Variants in ARMC3 observed in about 807,000 individuals in gnomAD.
ARMC3 encodes armadillo repeat-containing protein 3.
ARMC3 carries 74 observed loss-of-function variants against 90.3 expected under a neutral mutation model. That is an observed-to-expected ratio of 0.82 (90% CI 0.68 to 0.99). The LOEUF (loss-of-function observed/expected upper bound fraction) is 0.99. ARMC3 is among the 50% of genes least tolerant of loss of function. ARMC3 has a pLI of 0.00. For synonymous variants in ARMC3, 334 were observed against 361.8 expected, an observed-to-expected ratio of 0.92 and a Z score of 0.87; for missense variants, 958 against 1,042.8, an observed-to-expected ratio of 0.92 and a Z score of 1.12.
intron 10 of ARMC3, among the ~76,000 whole-genome samples, chr10:22,996,966 GA>G (rs1197970343): frequency 2.6e-5 from 4 of 151,314 alleles, no homozygotes; most frequent in Admixed American, 2.6e-4. Context: ...AGTCCTAAAT[GA>G]AAAAATGTGT....
At chr10:22,946,111 T>C (rs112647805) in intron 2 of ARMC3, 33 bp from the exon 3 acceptor site, 7 of 1,422,056 alleles carry the variant, frequency 4.9e-6, no homozygotes, top group Admixed American at 3.8e-5. Flanking sequence ...AAAGCTCATA[T>C]GTGAAACTGA....
intron 18 of ARMC3, among the ~76,000 whole-genome samples, chr10:23,033,588 G>A (rs1366090315): frequency 6.6e-6 from 1 of 152,058 alleles, no homozygotes. Flanking sequence ...AAAGAGGAGG[G>A]GCGAATGCTA....
In ARMC3 at chr10:22,964,354, G is replaced by A. The variant is rs146525607; in HGVS notation, c.732+2276G>A. Among the ~76,000 whole-genome samples the A allele has an allele frequency of 5.4e-3, 822 of 151,702 alleles. 7 individuals carry two copies. Among genetic ancestry groups the A allele is most frequent in the African/African-American group, 0.019 (789 of 41,352 alleles). On this transcript the variant is annotated intron_variant, in intron 7 of 18. Coordinates refer to ENST00000298032, the MANE Select transcript of ARMC3 (RefSeq NM_173081.5). ...AGTTTTCAATTATCATATGATTATT[G>A]ATTTGGTTATAGTTAAGCTTCCCAT...
chr10:22,943,238 G>T (rs530090648), intron 2 of ARMC3, among the ~76,000 whole-genome samples: 22 of 152,178 alleles, frequency 1.4e-4, no homozygotes, highest in African/African-American at 5.3e-4. Context: ...ATTTACCCTA[G>T]TGATGTTTAT....
intron 1 of ARMC3, among the ~76,000 whole-genome samples, chr10:22,928,316 C>T (rs1266278795): frequency 6.6e-6 from 1 of 152,138 alleles, no homozygotes; most frequent in Non-Finnish European, 1.5e-5. Context: ...CAACAGGTGA[C>T]AAAACTGAGG....
intron 8 of ARMC3, among the ~76,000 whole-genome samples, chr10:22,972,346 T>G (rs1206458137): frequency 6.6e-6 from 1 of 152,214 alleles, no homozygotes; most frequent in Non-Finnish European, 1.5e-5. Context: ...CATTTTGAGT[T>G]TATTTTTATA....
At chr10:23,000,421 C>G (rs1438756343) in intron 11 of ARMC3, among the ~76,000 whole-genome samples, 1 of 152,086 alleles carries the variant, frequency 6.6e-6, no homozygotes, top group African/African-American at 2.4e-5. Context: ...CATTGCACCC[C>G]TTGTCTTCCT....
chr10:23,011,032 C>T (rs1302467062), intron 16 of ARMC3, among the ~76,000 whole-genome samples: 1 of 144,700 alleles, frequency 6.9e-6, no homozygotes, highest in African/African-American at 2.5e-5. Flanking sequence ...TCCCTTCCCT[C>T]CTCTCTCCTT....
chr10:22,962,096 T>C lies in ARMC3; in HGVS notation c.732+18T>C. ...AAACTAAGGTATTTAGTTTCATTCA[T>C]TCCACCCTCTATGAGGAAATGTATC... is the stretch of plus-strand genomic sequence containing the variant. On this transcript the variant is annotated intron_variant, in intron 7 of 18. Coordinates refer to ENST00000298032, the MANE Select transcript of ARMC3 (RefSeq NM_173081.5). 6.7e-7 allele frequency: 1 copy of C among 1,490,048 alleles called. No individual in the cohort carries two copies. The highest frequency in any genetic ancestry group is 1.4e-5 in the South Asian group (1 of 73,934). The allele number at this position is 1,490,048 out of a possible 1,614,324, so 92.3% of individuals were successfully genotyped here.
intron 13 of ARMC3, among the ~76,000 whole-genome samples, chr10:23,003,618 T>G (rs1388122869): frequency 6.6e-6 from 1 of 152,222 alleles, no homozygotes; most frequent in African/African-American, 2.4e-5. Flanking sequence ...TGCTTACTTG[T>G]AATTAAATCA....
intron 8 of ARMC3, among the ~76,000 whole-genome samples, chr10:22,972,608 T>C (rs565583610): frequency 6.6e-6 from 1 of 152,208 alleles, no homozygotes; most frequent in Admixed American, 6.5e-5. Context: ...ACTTCATATA[T>C]GTCATCTGTG....
At chr10:22,948,362 A>T (rs1422646280) in intron 3 of ARMC3, among the ~76,000 whole-genome samples, 1 of 152,110 alleles carries the variant, frequency 6.6e-6, no homozygotes, top group Admixed American at 6.6e-5. Context: ...CTCTTTTTGC[A>T]TGACATGAAG....
rs112774376 is a variant in ARMC3 at position 23,014,569 on chromosome 10, G to A, written c.2045+5638G>A. The A allele has an allele frequency of 3.6e-3, 3,121 of 870,352 alleles. 79 individuals are homozygous for A. In the African/African-American group the frequency reaches 0.053, roughly 15 times the overall value. 53.9% of individuals were successfully genotyped at this position (870,352 alleles called of 1,614,324 possible). A position where few individuals can be genotyped will look rare whatever the true frequency, so the allele number is the denominator to read the frequency against. ...TCAACCTAAATGCCCATCAATGATC[G>A]ACTGGATAAAGAAAATGTGGTACAT... On this transcript the variant is annotated intron_variant, in intron 16 of 18. Coordinates refer to ENST00000298032, the MANE Select transcript of ARMC3 (RefSeq NM_173081.5).
rs1007251587 is a variant in ARMC3 at position 23,030,645 on chromosome 10, G to T, written c.2095G>T (p.Val699Phe). ...GGAAAAAGTGAAAGAGGAGGAAGAG[G>T]TTATGGTGGTACCAAAATTTGTTGG... is the stretch of plus-strand genomic sequence containing the variant. ...EEEKVKEEEE[V>F]MVVPKFVGEG... The change falls in exon 17 of 19, where the codon GTT becomes TTT. Residue 699 changes from valine (V) to phenylalanine (F), a missense_variant. Coordinates refer to ENST00000298032, the MANE Select transcript of ARMC3 (RefSeq NM_173081.5). 1 of 1,613,738 alleles carries T rather than the reference G, an allele frequency of 6.2e-7. No individual in the cohort carries two copies. The highest frequency in any genetic ancestry group is 1.1e-5 in the South Asian group (1 of 91,072).
intron 7 of ARMC3, among the ~76,000 whole-genome samples, chr10:22,964,474 C>G (rs1283432986): frequency 6.8e-6 from 1 of 146,354 alleles, no homozygotes; most frequent in South Asian, 2.1e-4. Context: ...GAGCCTTGCT[C>G]TGTCACCCAG....
At chr10:22,973,147 A>T (rs1384094288) in intron 8 of ARMC3, among the ~76,000 whole-genome samples, 1 of 151,934 alleles carries the variant, frequency 6.6e-6, no homozygotes, top group East Asian at 1.9e-4. Flanking sequence ...AATTTTTTTT[A>T]AATGAGCCAT....
intron 7 of ARMC3, among the ~76,000 whole-genome samples, chr10:22,963,976 T>TA (rs1321029105): frequency 8.1e-6 from 1 of 124,094 alleles, no homozygotes; most frequent in Non-Finnish European, 1.7e-5. Context: ...AAGGAAGCCG[T>TA]AAAACTGTAT....
chr10:23,029,723 G>A (rs1838846699), intron 16 of ARMC3, among the ~76,000 whole-genome samples: 1 of 152,148 alleles, frequency 6.6e-6, no homozygotes, highest in Non-Finnish European at 1.5e-5. Context: ...ATGCTAACTA[G>A]TAATTCTCTA....
At chr10:23,007,631 A>T (rs1238725272) in intron 14 of ARMC3, among the ~76,000 whole-genome samples, 1 of 146,746 alleles carries the variant, frequency 6.8e-6, no homozygotes, top group Admixed American at 7.0e-5. Context: ...CGGGAGGCGG[A>T]TGTTGCAGTG....
Sources: gnomAD v4.1 joint callset for allele counts (sites outside exome capture counted in the v4.1 genomes callset) on GRCh38, gnomAD v4.1.1 for gene constraint, MANE v1.5 for transcripts, NCBI Gene and HGNC (gene_info 2026-07-23, HGNC 2026-07-21) for gene names.